Variants in CFAP299 observed in about 807,000 individuals in gnomAD.
CFAP299 encodes the protein cilia- and flagella-associated protein 299.
CFAP299 carries 21 observed loss-of-function variants against 27.0 expected under a neutral mutation model. That is an observed-to-expected ratio of 0.78 (90% CI 0.55 to 1.12). CFAP299 has a LOEUF of 1.12. Among genes scored for constraint, CFAP299 ranks in the 50% most tolerant of loss-of-function variants. CFAP299 has a pLI of 0.00. For missense variants in CFAP299, 310 were observed against 276.6 expected (o/e 1.12, Z -0.86); for synonymous variants, 104 against 98.1 (o/e 1.06, Z -0.36).
chr4:80,505,977 TACAC>T (rs1183955142), intron 2 of CFAP299, among the ~76,000 whole-genome samples: 1 of 150,592 alleles, frequency 6.6e-6, no homozygotes, highest in Non-Finnish European at 1.5e-5. Context: ...TTCTAATGTG[TACAC>T]ACACACACGT....
chr4:80,407,945 T>A (rs994581234), intron 2 of CFAP299, among the ~76,000 whole-genome samples: 4 of 152,250 alleles, frequency 2.6e-5, no homozygotes, highest in Admixed American at 2.6e-4. Context: ...AACATTTAAT[T>A]ACTAAGAATC....
chr4:80,927,284 C>A (rs1736354229), intron 4 of CFAP299, among the ~76,000 whole-genome samples: 1 of 151,996 alleles, frequency 6.6e-6, no homozygotes, highest in African/African-American at 2.4e-5. Context: ...ACCTTAAGTA[C>A]AAAATGAGGT....
intron 5 of CFAP299, among the ~76,000 whole-genome samples, chr4:80,957,999 C>G (rs979313108): frequency 6.6e-6 from 1 of 152,100 alleles, no homozygotes; most frequent in African/African-American, 2.4e-5. Context: ...AAATTAAATT[C>G]TGTCTGGAAG....
At chr4:80,337,636 G>T (rs1390199738) in intron 1 of CFAP299, among the ~76,000 whole-genome samples, 1 of 152,050 alleles carries the variant, frequency 6.6e-6, no homozygotes, top group Admixed American at 6.5e-5. Context: ...GACCTCAAGT[G>T]ATCCACCGGC....
chr4:80,366,298 T>C lies in CFAP299; in HGVS notation c.242+3414T>C, dbSNP rs531782006. Among the ~76,000 whole-genome samples, 3 of 152,324 alleles carry C rather than the reference T, an allele frequency of 2.0e-5. No homozygotes were observed. The South Asian group carries it at 6.2e-4, about 32-fold the overall frequency. On this transcript the variant is annotated intron_variant, in intron 2 of 5. Transcript: ENST00000358105. The stretch of plus-strand genomic sequence containing the variant: ...CAACTCCAAGTAGGTCACAATTCTT[T>C]GGTCTAGCAATCATAGAGCACCTAT...
At chr4:80,367,279 A>G (rs1270651224) in intron 2 of CFAP299, among the ~76,000 whole-genome samples, 1 of 152,204 alleles carries the variant, frequency 6.6e-6, no homozygotes, top group African/African-American at 2.4e-5. Context: ...CAACATTTTG[A>G]AGTAATACAA....
At chr4:80,357,231 C>T (rs748981889) in intron 1 of CFAP299, among the ~76,000 whole-genome samples, 2 of 152,048 alleles carry the variant, frequency 1.3e-5, no homozygotes, top group Admixed American at 1.3e-4. Flanking sequence ...CTGCTGGATT[C>T]GGTTTGTCAG....
chr4:80,353,502 T>C (rs1300093953), intron 1 of CFAP299, among the ~76,000 whole-genome samples: 1 of 152,216 alleles, frequency 6.6e-6, no homozygotes. Context: ...TTAAGAAATG[T>C]GGTATTATAA....
At chr4:80,820,851 A>G (rs2110123946) in intron 3 of CFAP299, among the ~76,000 whole-genome samples, 1 of 152,304 alleles carries the variant, frequency 6.6e-6, no homozygotes, top group East Asian at 1.9e-4. Flanking sequence ...ATAGGCTTTA[A>G]GAATATAATA....
intron 3 of CFAP299, among the ~76,000 whole-genome samples, chr4:80,764,445 T>C (rs1181785568): frequency 2.0e-5 from 3 of 152,030 alleles, no homozygotes; most frequent in African/African-American, 7.2e-5. Context: ...CTGGAAACAA[T>C]AGAAGCTGGC....
chr4:80,799,981 T>C (rs111216274), intron 3 of CFAP299, among the ~76,000 whole-genome samples: 1 of 58,254 alleles, frequency 1.7e-5, no homozygotes, highest in Non-Finnish European at 2.8e-5. Flanking sequence ...TATAATATAA[T>C]ATATGTAATA....
At chr4:80,891,482 G>A (rs1734270305) in intron 4 of CFAP299, among the ~76,000 whole-genome samples, 1 of 149,068 alleles carries the variant, frequency 6.7e-6, no homozygotes, top group Admixed American at 6.7e-5. Context: ...GGATGAAATT[G>A]GAATCCATCA....
Position 80,930,260 on chromosome 4 carries a change from G to A in CFAP299, c.477-14550G>A, listed in dbSNP as rs535479533. 2.6e-5 allele frequency among the ~76,000 whole-genome samples: 4 copies of A among 152,276 alleles called. No homozygotes were observed. In the East Asian group the frequency reaches 5.8e-4, roughly 22 times the overall value. ...AGAAGTCCCCAGTAAGGGCTTGGAA[G>A]CCCTTCCCATACCTCTCCCTATGCA... On this transcript the variant is annotated intron_variant, in intron 4 of 5. Transcript: ENST00000358105.
At chr4:80,676,712 T>G (rs1282996975) in intron 3 of CFAP299, among the ~76,000 whole-genome samples, 1 of 152,192 alleles carries the variant, frequency 6.6e-6, no homozygotes, top group East Asian at 1.9e-4. Flanking sequence ...TTTACTCATT[T>G]CTGCTAGGTT....
At chr4:80,600,557 C>G (rs1737286714) in intron 3 of CFAP299, among the ~76,000 whole-genome samples, 2 of 152,088 alleles carry the variant, frequency 1.3e-5, no homozygotes, top group South Asian at 4.1e-4. Flanking sequence ...CAAGCTTTGT[C>G]TTACAGTCTT....
chr4:80,332,703 G>C (rs1326313320), upstream of CFAP299, among the ~76,000 whole-genome samples: 2 of 152,166 alleles, frequency 1.3e-5, no homozygotes, highest in Non-Finnish European at 2.9e-5. Flanking sequence ...TAGAAGGTAA[G>C]AGTGAACTGA....
chr4:80,594,790 TC>T (rs1183475372), intron 3 of CFAP299, among the ~76,000 whole-genome samples: 7 of 152,202 alleles, frequency 4.6e-5, no homozygotes, highest in Non-Finnish European at 7.3e-5. Flanking sequence ...ACAAGATTTT[TC>T]TCAAATATCT....
chr4:80,856,950 G>T (rs1731941532), intron 3 of CFAP299, among the ~76,000 whole-genome samples: 1 of 151,904 alleles, frequency 6.6e-6, no homozygotes, highest in Non-Finnish European at 1.5e-5. Flanking sequence ...GAAAGTCATT[G>T]GTAGCTTGAT....
rs571104065 is a variant in CFAP299, at chr4:80,893,333, T to C, written c.476+23198T>C. On this transcript the variant is annotated intron_variant, in intron 4 of 5. Transcript: ENST00000358105. The stretch of plus-strand genomic sequence containing the variant: ...AATAATCTACAGAATCATTGCAATA[T>C]CCTCATTCCAATAATATTTTTCACA... 2.5e-3 allele frequency among the ~76,000 whole-genome samples: 381 copies of C among 151,894 alleles called. 2 individuals carry two copies. The highest frequency in any genetic ancestry group is 8.8e-3 in the African/African-American group (367 of 41,480).
Sources: allele counts gnomAD v4.1 joint callset (sites outside exome capture counted in the v4.1 genomes callset), GRCh38; gene constraint gnomAD v4.1.1; transcripts MANE v1.5; gene names NCBI Gene and HGNC (gene_info 2026-07-23, HGNC 2026-07-21).